Variants in RHOJ observed in about 807,000 individuals in gnomAD.
RHOJ encodes the protein rho-related GTP-binding protein RhoJ.
In RHOJ, 11 loss-of-function variants were observed where a neutral mutation model predicts 23.4. That is an observed-to-expected ratio of 0.47 (90% CI 0.30 to 0.78). The LOEUF (loss-of-function observed/expected upper bound fraction) is 0.78. Among genes scored for constraint, RHOJ ranks in the 30% least tolerant of loss-of-function variants. The probability of loss-of-function intolerance (pLI) is 0.08; values close to 1 mark genes in which losing one functional copy is unlikely to be tolerated. For missense variants in RHOJ, 254 were observed against 273.4 expected (o/e 0.93, Z 0.50); for synonymous variants, 102 against 102.7 (o/e 0.99, Z 0.04).
intron 1 of RHOJ, among the ~76,000 whole-genome samples, chr14:63,256,539 C>T (rs1454232140): frequency 1.3e-5 from 2 of 152,188 alleles, no homozygotes; most frequent in African/African-American, 2.4e-5. Flanking sequence ...CATACTCACA[C>T]GTGGCTCTTC....
intron 1 of RHOJ, among the ~76,000 whole-genome samples, chr14:63,248,225 T>C (rs1895010182): frequency 6.6e-6 from 1 of 152,188 alleles, no homozygotes; most frequent in African/African-American, 2.4e-5. Flanking sequence ...ATACAGTAAT[T>C]CTATAAATTC....
chr14:63,219,462 T>A (rs188956182), intron 1 of RHOJ, among the ~76,000 whole-genome samples: 53 of 152,320 alleles, frequency 3.5e-4, no homozygotes, highest in Middle Eastern at 3.4e-3. Flanking sequence ...TCTTATTTAG[T>A]CTTTTTGCCT....
chr14:63,246,546 GA>G (rs1443096784), intron 1 of RHOJ, among the ~76,000 whole-genome samples: 2 of 152,146 alleles, frequency 1.3e-5, no homozygotes, highest in Non-Finnish European at 2.9e-5. Flanking sequence ...ATTAAAGTAA[GA>G]AATTAATGAG....
intron 1 of RHOJ, among the ~76,000 whole-genome samples, chr14:63,227,398 G>T (rs1215470701): frequency 6.6e-6 from 1 of 152,106 alleles, no homozygotes; most frequent in Non-Finnish European, 1.5e-5. Flanking sequence ...GTTTCTTAAG[G>T]ACACCAAAAC....
intron 1 of RHOJ, among the ~76,000 whole-genome samples, chr14:63,253,791 T>C (rs765972366): frequency 3.0e-4 from 46 of 152,238 alleles, no homozygotes; most frequent in Non-Finnish European, 6.2e-4. Context: ...TGTTGACTGG[T>C]AGAGGGTCAA....
chr14:63,235,035 T>C (rs570817710), intron 1 of RHOJ, among the ~76,000 whole-genome samples: 1 of 152,280 alleles, frequency 6.6e-6, no homozygotes, highest in Non-Finnish European at 1.5e-5. Context: ...CTAATCTAAA[T>C]CTCCTCGGGT....
At chr14:63,220,806 C>G (rs1894475410) in intron 1 of RHOJ, among the ~76,000 whole-genome samples, 1 of 152,204 alleles carries the variant, frequency 6.6e-6, no homozygotes, top group African/African-American at 2.4e-5. Context: ...ATACAAAAGA[C>G]TGCACTTTTA....
At chr14:63,258,151 C>G (rs1010844192) in intron 1 of RHOJ, among the ~76,000 whole-genome samples, 2 of 149,150 alleles carry the variant, frequency 1.3e-5, no homozygotes, top group Non-Finnish European at 3.0e-5. Context: ...TCGCTTGAAC[C>G]CGGGAGGTGG....
intron 1 of RHOJ, among the ~76,000 whole-genome samples, chr14:63,209,083 A>C (rs867591334): frequency 1.3e-5 from 2 of 152,118 alleles, no homozygotes; most frequent in Non-Finnish European, 2.9e-5. Flanking sequence ...CAATCAGCTC[A>C]ACATTCAAAA....
chr14:63,272,078 T>C (rs1366286634), intron 2 of RHOJ, among the ~76,000 whole-genome samples: 1 of 151,044 alleles, frequency 6.6e-6, no homozygotes, highest in Admixed American at 6.5e-5. Flanking sequence ...GATCTCCAAA[T>C]CATTAGAATG....
At chr14:63,208,737 G>C (rs1894168090) in intron 1 of RHOJ, among the ~76,000 whole-genome samples, 2 of 152,170 alleles carry the variant, frequency 1.3e-5, no homozygotes, top group East Asian at 3.9e-4. Context: ...TTTACACTTA[G>C]GGTATGCTTG....
At chr14:63,239,272 T>C (rs1894843617) in intron 1 of RHOJ, among the ~76,000 whole-genome samples, 1 of 152,072 alleles carries the variant, frequency 6.6e-6, no homozygotes, top group Non-Finnish European at 1.5e-5. Flanking sequence ...CCACTACACC[T>C]GGCTAATTTT....
intron 1 of RHOJ, among the ~76,000 whole-genome samples, chr14:63,254,449 G>A (rs943484177): frequency 2.0e-5 from 3 of 152,048 alleles, no homozygotes; most frequent in Admixed American, 2.0e-4. Context: ...GGGGAGGGGG[G>A]CATTTAAGCC....
intron 2 of RHOJ, among the ~76,000 whole-genome samples, chr14:63,271,655 C>T (rs753480037): frequency 3.9e-5 from 6 of 152,206 alleles, no homozygotes; most frequent in Non-Finnish European, 7.3e-5. Context: ...AGCGCAGTGG[C>T]GCAATCTTGG....
chr14:63,246,514 G>A (rs930615767), intron 1 of RHOJ, among the ~76,000 whole-genome samples: 2 of 152,116 alleles, frequency 1.3e-5, no homozygotes, highest in African/African-American at 2.4e-5. Context: ...TACAAAACCT[G>A]AGACTCTTTT....
At chr14:63,228,106 A>G (rs1004399905) in intron 1 of RHOJ, among the ~76,000 whole-genome samples, 2 of 152,298 alleles carry the variant, frequency 1.3e-5, no homozygotes, top group African/African-American at 4.8e-5. Context: ...TTGTCCTATG[A>G]GCATGTCCAA....
At chr14:63,237,812 T>C (rs1047378306) in intron 1 of RHOJ, among the ~76,000 whole-genome samples, 1 of 152,152 alleles carries the variant, frequency 6.6e-6, no homozygotes, top group Non-Finnish European at 1.5e-5. Context: ...ATCGTCAGAC[T>C]ATCTCCATCA....
At chr14:63,237,924 C>T (rs982312092) in intron 1 of RHOJ, among the ~76,000 whole-genome samples, 12 of 152,054 alleles carry the variant, frequency 7.9e-5, no homozygotes, top group Non-Finnish European at 1.6e-4. Flanking sequence ...TTTTTCTTGC[C>T]GCTTACGCCT....
intron 4 of RHOJ, among the ~76,000 whole-genome samples, chr14:63,285,807 A>AG (rs1882065327): frequency 1.3e-5 from 2 of 152,168 alleles, no homozygotes; most frequent in Admixed American, 1.3e-4. Flanking sequence ...TGGATGCTAC[A>AG]CTGTTTAGCT....
Sources: allele counts gnomAD v4.1 joint callset (sites outside exome capture counted in the v4.1 genomes callset), GRCh38; gene constraint gnomAD v4.1.1; transcripts MANE v1.5; gene names NCBI Gene and HGNC (gene_info 2026-07-23, HGNC 2026-07-21).